LDLRAD4: variants seen among roughly 807,000 people sequenced by gnomAD.
LDLRAD4 encodes the protein low density lipoprotein receptor class A domain containing 4.
A neutral mutation model predicts 17.0 loss-of-function variants in LDLRAD4; 5 were observed. The observed-to-expected ratio is 0.29, with a 90% CI of 0.15 to 0.62. The LOEUF (loss-of-function observed/expected upper bound fraction) is 0.62, where lower values mean the gene tolerates loss of function less well. Ranked by LOEUF, LDLRAD4 falls within the 20% of genes least tolerant of loss-of-function variation. The pLI is 0.84. For missense variants in LDLRAD4, 340 were observed against 424.7 expected (o/e 0.80, Z 1.75); for synonymous variants, 168 against 171.8 (o/e 0.98, Z 0.17).
intron 3 of LDLRAD4, among the ~76,000 whole-genome samples, chr18:13,606,425 C>G (rs938391002): frequency 1.3e-5 from 2 of 152,128 alleles, no homozygotes; most frequent in Non-Finnish European, 2.9e-5. Context: ...TTAATCTGAA[C>G]TAATTTATTT....
chr18:13,517,348 C>T (rs2093882765), intron 3 of LDLRAD4, among the ~76,000 whole-genome samples: 1 of 152,210 alleles, frequency 6.6e-6, no homozygotes, highest in African/African-American at 2.4e-5. Context: ...TGGATGACTC[C>T]CCATGTGGGA....
At position 13,543,115 on chromosome 18, in the gene LDLRAD4, A is replaced by C. The variant is rs1486835784; in HGVS notation, c.182-78002A>C. 2.0e-5 allele frequency: 3 copies of C among 152,200 alleles called. No individual in the cohort carries two copies. In the East Asian group the frequency reaches 5.8e-4, roughly 29 times the overall value. 9.4% of individuals were successfully genotyped at this position (152,200 alleles called of 1,614,324 possible). A position where few individuals can be genotyped will look rare whatever the true frequency, so the allele number is the denominator to read the frequency against. On this transcript the variant is annotated intron_variant, in intron 3 of 5. Coordinates refer to ENST00000359446, the Ensembl canonical transcript of LDLRAD4. ...TGTAAGTTTCCTAAGGATTTCTTTA[A>C]CATGGTTCTTCTGATTCAGTCCGGC...
chr18:13,619,104 G>A (rs1020139021), intron 3 of LDLRAD4, among the ~76,000 whole-genome samples: 4 of 152,164 alleles, frequency 2.6e-5, no homozygotes, highest in Admixed American at 6.5e-5. Context: ...TCAGCCTGGG[G>A]GTGCTGAGTC....
At chr18:13,258,079 A>G (rs989699742) in intron 1 of LDLRAD4, among the ~76,000 whole-genome samples, 7 of 152,210 alleles carry the variant, frequency 4.6e-5, no homozygotes, top group African/African-American at 7.2e-5. Context: ...AAAGCATACA[A>G]TGGCCAGATA....
intron 1 of LDLRAD4, among the ~76,000 whole-genome samples, chr18:13,342,477 CTTTTTTTTTT>C (rs10706515): frequency 5.2e-5 from 2 of 38,668 alleles, no homozygotes; most frequent in Non-Finnish European, 9.4e-5. Flanking sequence ...GCCTTCCTGT[CTTTTTTTTTT>C]TTTTTTTTTT....
At chr18:13,486,740 G>C (rs1270898790) in intron 3 of LDLRAD4, 1 of 152,190 alleles carries the variant, frequency 6.6e-6, no homozygotes, top group Non-Finnish European at 1.5e-5. Context: ...AAACACTTGT[G>C]TGAAATACCA....
At chr18:13,565,382 G>T (rs2094587144) in intron 3 of LDLRAD4, among the ~76,000 whole-genome samples, 1 of 139,608 alleles carries the variant, frequency 7.2e-6, no homozygotes. Context: ...CCAGCGCCAA[G>T]CTGGGCCAGG....
At chr18:13,473,631 C>A (rs1275706425) in intron 3 of LDLRAD4, among the ~76,000 whole-genome samples, 1 of 63,042 alleles carries the variant, frequency 1.6e-5, no homozygotes, top group Non-Finnish European at 3.0e-5. Context: ...AGTAAGATCC[C>A]ATCTCATATA....
intron 3 of LDLRAD4, among the ~76,000 whole-genome samples, chr18:13,478,187 G>A (rs1384866101): frequency 6.6e-6 from 1 of 152,174 alleles, no homozygotes; most frequent in African/African-American, 2.4e-5. Context: ...CTGAGAGCCT[G>A]CAGCATTGGC....
In LDLRAD4 at chr18:13,516,333, C is replaced by T. The variant is rs374270183; in HGVS notation, c.181+77949C>T. Among the ~76,000 whole-genome samples, 64 of 152,334 alleles carry T rather than the reference C, an allele frequency of 4.2e-4. 1 individual carries two copies. The South Asian group carries it at 0.012, about 29-fold the overall frequency. On this transcript the variant is annotated intron_variant, in intron 3 of 5. Coordinates refer to ENST00000359446, the Ensembl canonical transcript of LDLRAD4. Reference sequence around the variant, plus strand: ...CAGTGAAGCCATGAACGATCTCTTCCGGGTGTCCTAGAGGAGCCCTCGTGC... The same window carrying T: ...CAGTGAAGCCATGAACGATCTCTTCTGGGTGTCCTAGAGGAGCCCTCGTGC...
chr18:13,339,436 T>G (rs188801519), intron 1 of LDLRAD4, among the ~76,000 whole-genome samples: 23 of 152,152 alleles, frequency 1.5e-4, no homozygotes, highest in African/African-American at 5.5e-4. Context: ...CTCTTGACCT[T>G]GTGATCTGCC....
At chr18:13,413,383 A>C (rs1236500468) in intron 2 of LDLRAD4, among the ~76,000 whole-genome samples, 6 of 152,230 alleles carry the variant, frequency 3.9e-5, no homozygotes. Context: ...AATTCTGACA[A>C]AGTAAATGTG....
intron 4 of LDLRAD4, among the ~76,000 whole-genome samples, chr18:13,635,151 G>A (rs540121385): frequency 5.3e-5 from 8 of 152,298 alleles, no homozygotes; most frequent in East Asian, 1.9e-4. Context: ...ACAAAGTACC[G>A]TAGACCGGGT....
At chr18:13,446,955 A>G (rs1166601015) in intron 3 of LDLRAD4, among the ~76,000 whole-genome samples, 3 of 152,110 alleles carry the variant, frequency 2.0e-5, no homozygotes, top group Non-Finnish European at 4.4e-5. Flanking sequence ...TGCTGACTGC[A>G]GGGGGTGTGG....
At position 13,612,554 on chromosome 18, in the gene LDLRAD4, CCCT is replaced by C; in HGVS notation, c.182-8560_182-8558del. Reference sequence around the variant, plus strand: ...AGGCAGACAGAAACACACCCCCCCCCCCTCCACGCTCACACACTCTCCCACACC... The same window carrying C: ...AGGCAGACAGAAACACACCCCCCCCCCCACGCTCACACACTCTCCCACACC... On this transcript the variant is annotated intron_variant, in intron 3 of 5. Transcript: ENST00000359446. 28 of 1,451,200 alleles carry C rather than the reference CCCT, an allele frequency of 1.9e-5. No individual in the cohort carries two copies. The Middle Eastern group carries it at 7.2e-4, about 37-fold the overall frequency. 89.9% of individuals were successfully genotyped at this position (1,451,200 alleles called of 1,614,324 possible). A position where few individuals can be genotyped will look rare whatever the true frequency, so the allele number is the denominator to read the frequency against.
At position 13,553,765 on chromosome 18, in the gene LDLRAD4, A is replaced by G. The variant is rs1049637092; in HGVS notation, c.182-67352A>G. Reference sequence around the variant, plus strand: ...AACATTCGCCTTGCCCTGGCACCCTATGTTGTGCTGTGTGTTTTCTACATG... The same window carrying G: ...AACATTCGCCTTGCCCTGGCACCCTGTGTTGTGCTGTGTGTTTTCTACATG... On this transcript the variant is annotated intron_variant, in intron 3 of 5. Transcript: ENST00000359446. 3.3e-5 allele frequency among the ~76,000 whole-genome samples: 5 copies of G among 152,104 alleles called. No individual in the cohort carries two copies. In the South Asian group the frequency reaches 8.3e-4, roughly 25 times the overall value.
chr18:13,436,150 G>C (rs915657559), intron 2 of LDLRAD4, among the ~76,000 whole-genome samples: 2 of 152,178 alleles, frequency 1.3e-5, no homozygotes, highest in Non-Finnish European at 2.9e-5. Context: ...TTTGGCCTTG[G>C]AAGGAGCAGC....
intron 1 of LDLRAD4, among the ~76,000 whole-genome samples, chr18:13,320,147 C>T (rs2143228709): frequency 6.6e-6 from 1 of 152,290 alleles, no homozygotes; most frequent in East Asian, 1.9e-4. Flanking sequence ...ATCATAAGAT[C>T]TTCTGTAGTT....
chr18:13,483,079 G>T (rs1054800002), intron 3 of LDLRAD4, among the ~76,000 whole-genome samples: 1 of 152,136 alleles, frequency 6.6e-6, no homozygotes, highest in Non-Finnish European at 1.5e-5. Context: ...GCTTATTTCT[G>T]AGGCCTTTCA....
Sources: allele counts gnomAD v4.1 joint callset (sites outside exome capture counted in the v4.1 genomes callset), GRCh38; gene constraint gnomAD v4.1.1; transcripts MANE v1.5; gene names NCBI Gene and HGNC (gene_info 2026-07-23, HGNC 2026-07-21).